DKK3: variants seen among roughly 807,000 people sequenced by gnomAD.
DKK3 encodes the protein dickkopf-related protein 3.
A neutral mutation model predicts 33.2 loss-of-function variants in DKK3; 22 were observed. That is an observed-to-expected ratio of 0.66 (90% CI 0.47 to 0.95). The LOEUF is 0.95. DKK3 is among the 40% of genes least tolerant of loss of function. The probability of loss-of-function intolerance (pLI) is 0.00; values close to 1 mark genes in which losing one functional copy is unlikely to be tolerated. For missense variants in DKK3, 398 were observed against 458.4 expected (o/e 0.87, Z 1.20); for synonymous variants, 194 against 188.8 (o/e 1.03, Z -0.23).
Position 11,982,774 on chromosome 11 carries a change from C to T in DKK3, c.436-14287G>A, listed in dbSNP as rs542649349. On this transcript the variant is annotated intron_variant, in intron 3 of 6. Coordinates refer to ENST00000683431, the MANE Select transcript of DKK3 (RefSeq NM_001018057.2). Reference sequence around the variant, plus strand: ...GTCCATACAGGGCCTCCTGGGGTGGCCAGAGCTTGTATCTCTTCCCTCAGA... The same window carrying T: ...GTCCATACAGGGCCTCCTGGGGTGGTCAGAGCTTGTATCTCTTCCCTCAGA... 6.1e-4 allele frequency among the ~76,000 whole-genome samples: 93 copies of T among 152,190 alleles called. 1 individual carries two copies. The highest frequency in any genetic ancestry group is 1.2e-3 in the Non-Finnish European group (85 of 68,028).
chr11:12,005,618 C>T (rs1447900278), intron 1 of DKK3, among the ~76,000 whole-genome samples: 2 of 152,178 alleles, frequency 1.3e-5, no homozygotes, highest in Admixed American at 6.5e-5. Flanking sequence ...TTTGTCCTTC[C>T]CCTTAAGAAA....
At chr11:11,974,033 C>T (rs1220246132) in intron 3 of DKK3, among the ~76,000 whole-genome samples, 4 of 152,216 alleles carry the variant, frequency 2.6e-5, no homozygotes, top group African/African-American at 9.6e-5. Flanking sequence ...CACCGGAGGC[C>T]CAAAGGAAGA....
chr11:12,005,508 G>C (rs1232877074), intron 1 of DKK3, among the ~76,000 whole-genome samples: 1 of 152,294 alleles, frequency 6.6e-6, no homozygotes, highest in African/African-American at 2.4e-5. Flanking sequence ...TACATTGATT[G>C]GTAGCATATA....
chr11:11,979,857 G>A (rs1847919293), intron 3 of DKK3: 1 of 152,288 alleles, frequency 6.6e-6, no homozygotes, highest in East Asian at 1.9e-4. Flanking sequence ...AGGGGCCCTG[G>A]AGAAGGCTGA....
chr11:11,966,877 T>A (rs972180752), intron 5 of DKK3, 77 bp downstream of exon 5: 6 of 1,570,130 alleles, frequency 3.8e-6, no homozygotes, highest in Non-Finnish European at 5.2e-6. Flanking sequence ...GTGGTTGGCA[T>A]GGACGTGGCT....
chr11:12,009,571 T>C (rs564911124), upstream of DKK3: 118 of 984,858 alleles, frequency 1.2e-4, no homozygotes, highest in African/African-American at 7.0e-4. Flanking sequence ...AGGCCCGTCT[T>C]CTCTGGCCTC....
At chr11:11,989,783 G>A (rs976860699) in intron 3 of DKK3, among the ~76,000 whole-genome samples, 3 of 152,108 alleles carry the variant, frequency 2.0e-5, no homozygotes, top group Non-Finnish European at 2.9e-5. Flanking sequence ...GGAAGTTTTG[G>A]AATCCACAAG....
In DKK3 at chr11:11,999,080, G is replaced by T. The variant is rs115453844; in HGVS notation, c.352-301C>A. On this transcript the variant is annotated intron_variant, in intron 2 of 6. Coordinates refer to ENST00000683431, the MANE Select transcript of DKK3 (RefSeq NM_001018057.2). ...AACACCCAGCAAAACGCTCAAAGATGTCAGCTGTTTCTATCTTTCTTGGGG... is the reference window on the plus strand; with the variant it reads ...AACACCCAGCAAAACGCTCAAAGATTTCAGCTGTTTCTATCTTTCTTGGGG... Among the ~76,000 whole-genome samples, 524 of 152,280 alleles carry T rather than the reference G, an allele frequency of 3.4e-3. 2 individuals are homozygous for T. Among genetic ancestry groups the T allele is most frequent in the African/African-American group, 0.012 (480 of 41,544 alleles).
chr11:11,999,266 T>G (rs1043501566), intron 2 of DKK3, among the ~76,000 whole-genome samples: 1 of 152,230 alleles, frequency 6.6e-6, no homozygotes. Context: ...TTAAGTATAA[T>G]GAGAGACTTG....
In DKK3 at chr11:12,008,446, G is replaced by A. The variant is rs1848585625; in HGVS notation, c.137C>T (p.Thr46Ile). Residue 46 changes from threonine to isoleucine, a missense_variant, in exon 1 of 7, where the codon ACC becomes ATC. Coordinates refer to ENST00000683431, the MANE Select transcript of DKK3 (RefSeq NM_001018057.2). This position sits in a 1 kb window ranked among gnomAD's most constrained non-coding sequence, Gnocchi z 4.6. ...AACCTCGCGGAACATCTCATTGAGGGTGGCCTCCTCCTGCGGGTAGCTGAG... is the reference window on the plus strand; with the variant it reads ...AACCTCGCGGAACATCTCATTGAGGATGGCCTCCTCCTGCGGGTAGCTGAG... ...PALSYPQEEA[T>I]LNEMFREVEE... is the part of the protein sequence containing the mutation. 7 of 1,610,916 alleles carry A rather than the reference G, an allele frequency of 4.3e-6. No homozygotes were observed. The highest frequency in any genetic ancestry group is 5.9e-6 in the Non-Finnish European group (7 of 1,179,622).
chr11:11,996,001 C>T (rs901336050), intron 3 of DKK3, among the ~76,000 whole-genome samples: 4 of 152,232 alleles, frequency 2.6e-5, no homozygotes, highest in African/African-American at 4.8e-5. Context: ...TATTAATACA[C>T]ATTCCAGCAT....
chr11:11,974,397 G>A (rs1847789137), intron 3 of DKK3, among the ~76,000 whole-genome samples: 1 of 152,218 alleles, frequency 6.6e-6, no homozygotes, highest in South Asian at 2.1e-4. Context: ...ATAATGAACA[G>A]AAATTTATTG....
upstream of DKK3, chr11:12,008,892 A>G (rs890644312): frequency 9.0e-7 from 1 of 1,105,228 alleles, no homozygotes; most frequent in Non-Finnish European, 1.1e-6. The surrounding 1 kb of genome is among the most constrained non-coding windows in gnomAD (Gnocchi z 4.6). Context: ...AGCCCTCGCC[A>G]GAGCAACCGA....
intron 3 of DKK3, among the ~76,000 whole-genome samples, chr11:11,997,980 G>A (rs1028949854): frequency 1.3e-5 from 2 of 152,140 alleles, no homozygotes; most frequent in African/African-American, 4.8e-5. Context: ...TTCCCTACTG[G>A]CCACTCCTCA....
intron 6 of DKK3, 41 bp downstream of exon 6, chr11:11,965,768 C>T (rs755035718): frequency 1.9e-6 from 3 of 1,602,480 alleles, no homozygotes; most frequent in Non-Finnish European, 2.6e-6. Context: ...GGCACCTCCT[C>T]AGCCCTTGGC....
At chr11:11,998,968 G>A (rs771614359) in intron 2 of DKK3, among the ~76,000 whole-genome samples, 189 bp from the exon 3 acceptor site, 7 of 152,140 alleles carry the variant, frequency 4.6e-5, no homozygotes, top group Non-Finnish European at 7.3e-5. Flanking sequence ...TGGGCACAGT[G>A]ATAAGAAATG....
chr11:12,003,055 G>C (rs1393709233), intron 1 of DKK3, among the ~76,000 whole-genome samples: 1 of 152,208 alleles, frequency 6.6e-6, no homozygotes, highest in Non-Finnish European at 1.5e-5. Context: ...GCCTCCAGTG[G>C]GATGGAGCCC....
At chr11:12,002,580 A>T in intron 1 of DKK3, 143 bp from the exon 2 acceptor site, 1 of 843,516 alleles carries the variant, frequency 1.2e-6, no homozygotes, top group South Asian at 1.8e-5. Context: ...AGTACTCACT[A>T]TGATAAGATA....
chr11:12,007,506 C>A (rs372755533), intron 1 of DKK3, among the ~76,000 whole-genome samples: 20 of 152,132 alleles, frequency 1.3e-4, no homozygotes, highest in African/African-American at 4.8e-4. Flanking sequence ...CGTGGGTGAC[C>A]ATCACAGAGG....
Sources: gnomAD v4.1 joint callset for allele counts (sites outside exome capture counted in the v4.1 genomes callset) on GRCh38, gnomAD v4.1.1 for gene constraint, Gnocchi (gnomAD v3.1) non-coding constraint, MANE v1.5 for transcripts, NCBI Gene and HGNC (gene_info 2026-07-23, HGNC 2026-07-21) for gene names.